ADGRV1: variants seen among roughly 807,000 people sequenced by gnomAD.
The protein encoded by ADGRV1 is adhesion G protein-coupled receptor V1.
Under a neutral mutation model 596.2 loss-of-function variants are expected in ADGRV1, and 359 were observed. The ratio of observed to expected loss-of-function variants is 0.60; its 90% CI spans 0.55 to 0.66. The LOEUF is 0.66. ADGRV1 is among the 30% of genes least tolerant of loss of function. The probability of loss-of-function intolerance (pLI) is 0.00; values close to 1 mark genes in which losing one functional copy is unlikely to be tolerated. For missense variants in ADGRV1, 7,274 were observed against 7,575.6 expected, an observed-to-expected ratio of 0.96 and a Z score of 1.48; for synonymous variants, 2,681 against 2,679.2, an observed-to-expected ratio of 1.00 and a Z score of -0.02.
chr5:91,017,228 C>T (rs4916840), intron 85 of ADGRV1, among the ~76,000 whole-genome samples: 107,090 of 151,812 alleles, frequency 0.71, 38,164 homozygotes, highest in African/African-American at 0.82. Flanking sequence ...ATTGACCAGC[C>T]GCCAAACCAC....
At position 90,823,458 on chromosome 5, in the gene ADGRV1, C is replaced by G. The variant is rs773382495; in HGVS notation, c.16230C>G (p.Val5410=). 1 of 1,613,758 alleles carries G rather than the reference C, an allele frequency of 6.2e-7. No individual in the cohort carries two copies. Among genetic ancestry groups the G allele is most frequent in the Non-Finnish European group, 8.5e-7 (1 of 1,179,818 alleles). Residue 5410 remains valine, a synonymous_variant, in exon 76 of 90, where the codon GTC becomes GTG. Transcript: ENST00000405460. ...AFEDVKVFWR[V]TLNKTVVVLQ... is the part of the protein sequence containing the mutation. ...AAGATGTCAAGGTCTTTTGGCGAGT[C>G]ACACTTAACAAAACAGTCGTCGTGC...
chr5:90,727,437 A>G (rs1055411423), intron 48 of ADGRV1, among the ~76,000 whole-genome samples: 7 of 152,060 alleles, frequency 4.6e-5, no homozygotes, highest in African/African-American at 1.7e-4. Flanking sequence ...CTTCCACACC[A>G]TTATAGTGTC....
At chr5:90,970,089 G>C (rs916633382) in intron 84 of ADGRV1, among the ~76,000 whole-genome samples, 1 of 152,238 alleles carries the variant, frequency 6.6e-6, no homozygotes, top group Non-Finnish European at 1.5e-5. Context: ...CCCGTGCCTG[G>C]CTCGGAGGGT....
Position 90,629,401 on chromosome 5 carries a change from C to T in ADGRV1, c.1701C>T (p.Pro567=). ...ACATTCCTGCTGGAGCTGTGGACCCCTTGCAAGCAAAAGAAGGCATCTTAA... is the reference window on the plus strand; with the variant it reads ...ACATTCCTGCTGGAGCTGTGGACCCTTTGCAAGCAAAAGAAGGCATCTTAA... ...VLYIPAGAVD[P]LQAKEGILNI... is the part of the protein sequence containing the mutation. Residue 567 remains proline, a synonymous_variant, in exon 9 of 90, where the codon CCC becomes CCT. Coordinates refer to ENST00000405460, the MANE Select transcript of ADGRV1 (RefSeq NM_032119.4). The T allele has an allele frequency of 6.2e-7, 1 of 1,613,562 alleles. No individual in the cohort carries two copies. The highest frequency in any genetic ancestry group is 2.2e-5 in the East Asian group (1 of 44,814).
At position 90,802,872 on chromosome 5, in the gene ADGRV1, C is replaced by A; in HGVS notation, c.14651C>A (p.Ala4884Asp). The A allele has an allele frequency of 6.2e-7, 1 of 1,605,166 alleles. No individual in the cohort carries two copies. Among genetic ancestry groups the A allele is most frequent in the Non-Finnish European group, 8.5e-7 (1 of 1,175,616 alleles). ...GTCCTTCCAGTCTCTGAGAAAGCTG[C>A]CAATTCTCAGGTAATTGGCCCTGTG... ...SAVLPVSEKA[A>D]NSQVGFESTA... The change falls in exon 71 of 90, where the codon GCC becomes GAC. Residue 4884 changes from alanine (A) to aspartate (D), a missense_variant. Physicochemically the swap from Ala to Asp is moderately radical, Grantham distance 126. Around this residue, in one of 5 missense-constraint regions of ADGRV1, gnomAD observed 1,874 missense variants for 1,970.2 expected, o/e 0.95. Coordinates refer to ENST00000405460, the MANE Select transcript of ADGRV1 (RefSeq NM_032119.4).
intron 87 of ADGRV1, among the ~76,000 whole-genome samples, chr5:91,125,133 C>T (rs1002834550): frequency 2.0e-5 from 3 of 152,174 alleles, no homozygotes; most frequent in Non-Finnish European, 4.4e-5. Flanking sequence ...GGAAGTCACA[C>T]ACTGCCTTTC....
In ADGRV1 at chr5:90,863,619, T is replaced by A. The variant is rs56341926; in HGVS notation, c.17756-138T>A. 114 of 681,706 alleles carry A rather than the reference T, an allele frequency of 1.7e-4. 1 individual carries two copies. The highest frequency in any genetic ancestry group is 2.8e-4 in the Non-Finnish European group (102 of 368,182). The allele number at this position is 681,706 out of a possible 1,614,324, so 42.2% of individuals were successfully genotyped here. On this transcript the variant is annotated intron_variant, in intron 82 of 89. Coordinates refer to ENST00000405460, the MANE Select transcript of ADGRV1 (RefSeq NM_032119.4). The stretch of plus-strand genomic sequence containing the variant: ...AAAATGGAGTAGATTACAATTGCCA[T>A]GTCATCTTTTCCAGAGGTACTGGGC...
rs1328080908 is a variant in ADGRV1 at position 90,729,892 on chromosome 5, G to T, written c.10549+128G>T. On this transcript the variant is annotated intron_variant, in intron 50 of 89. Transcript: ENST00000405460. ...GGTATTTTTTTTTTTTTGGAGATGGGGTCTAGCTGTGTTGCCCAGGCTGGA... is the reference window on the plus strand; with the variant it reads ...GGTATTTTTTTTTTTTTGGAGATGGTGTCTAGCTGTGTTGCCCAGGCTGGA... 10 of 879,928 alleles carry T rather than the reference G, an allele frequency of 1.1e-5. No individual in the cohort carries two copies. The East Asian group carries it at 2.8e-4, about 25-fold the overall frequency. 54.5% of individuals were successfully genotyped at this position (879,928 alleles called of 1,614,324 possible). A position where few individuals can be genotyped will look rare whatever the true frequency, so the allele number is the denominator to read the frequency against.
intron 34 of ADGRV1, among the ~76,000 whole-genome samples, chr5:90,699,168 G>A (rs1350366392): frequency 6.6e-6 from 1 of 152,100 alleles, no homozygotes; most frequent in East Asian, 1.9e-4. Context: ...CAGTATCTAT[G>A]GGCTGGTATT....
chr5:90,595,914 G>T (rs1760442101), intron 1 of ADGRV1, among the ~76,000 whole-genome samples: 2 of 131,104 alleles, frequency 1.5e-5, no homozygotes, highest in Non-Finnish European at 1.8e-5. Flanking sequence ...CCTCCCGGAT[G>T]GGGTGGCTGC....
intron 88 of ADGRV1, among the ~76,000 whole-genome samples, chr5:91,151,161 A>G (rs1227431166): frequency 6.6e-6 from 1 of 152,242 alleles, no homozygotes; most frequent in Non-Finnish European, 1.5e-5. Flanking sequence ...ATTGGTAGAT[A>G]GATAAATCAA....
chr5:90,914,074 C>T (rs745520067), intron 83 of ADGRV1, among the ~76,000 whole-genome samples: 1 of 152,104 alleles, frequency 6.6e-6, no homozygotes, highest in Non-Finnish European at 1.5e-5. Context: ...CTGAATAATA[C>T]AGTTTGAATA....
chr5:90,639,258 G>A (rs150654857), intron 11 of ADGRV1, among the ~76,000 whole-genome samples: 2 of 152,116 alleles, frequency 1.3e-5, no homozygotes, highest in African/African-American at 4.8e-5. Flanking sequence ...TTTTCCTTAA[G>A]TAAGGTGTAA....
Position 90,848,711 on chromosome 5 carries a change from T to C in ADGRV1, c.17094T>C (p.Leu5698=), listed in dbSNP as rs1766164617. 1.3e-6 allele frequency: 2 copies of C among 1,590,102 alleles called. No individual in the cohort carries two copies. Among genetic ancestry groups the C allele is most frequent in the Non-Finnish European group, 1.7e-6 (2 of 1,170,772 alleles). ...RTLFYEILCS[L]INPKRKDTRG... Reference sequence around the variant, plus strand: ...TTTTCTATGAGATTCTTTGTTCTCTTATTAACCCAAAGCGCAAGGACACTA... The same window carrying C: ...TTTTCTATGAGATTCTTTGTTCTCTCATTAACCCAAAGCGCAAGGACACTA... Residue 5698 remains leucine, a synonymous_variant, in exon 79 of 90, where the codon CTT becomes CTC. Coordinates refer to ENST00000405460, the MANE Select transcript of ADGRV1 (RefSeq NM_032119.4).
chr5:90,923,855 C>T (rs1270118165), intron 83 of ADGRV1, among the ~76,000 whole-genome samples: 1 of 150,978 alleles, frequency 6.6e-6, no homozygotes, highest in East Asian at 1.9e-4. Flanking sequence ...TGTTCAGTTC[C>T]CAGCTATGAG....
At chr5:90,564,553 A>T (rs1431513509) in intron 1 of ADGRV1, among the ~76,000 whole-genome samples, 1 of 152,092 alleles carries the variant, frequency 6.6e-6, no homozygotes, top group Non-Finnish European at 1.5e-5. Flanking sequence ...TTTTAAATTG[A>T]TAGATAATTC....
At chr5:90,623,059 C>T (rs1013831026) in intron 5 of ADGRV1, among the ~76,000 whole-genome samples, 5 of 152,114 alleles carry the variant, frequency 3.3e-5, no homozygotes, top group Admixed American at 2.0e-4. Context: ...ACTTTAAATG[C>T]GAACACTGGG....
intron 1 of ADGRV1, among the ~76,000 whole-genome samples, chr5:90,603,920 A>G (rs1176067735): frequency 7.1e-6 from 1 of 140,840 alleles, no homozygotes; most frequent in Non-Finnish European, 1.5e-5. Flanking sequence ...AGGCACGTAC[A>G]CACACATGCA....
At chr5:91,157,812 T>G (rs1796595888) in intron 89 of ADGRV1, among the ~76,000 whole-genome samples, 1 of 152,194 alleles carries the variant, frequency 6.6e-6, no homozygotes, top group Non-Finnish European at 1.5e-5. Context: ...GGGAATGTAT[T>G]CCCTTAAAGC....
Sources: gnomAD v4.1 joint callset for allele counts (sites outside exome capture counted in the v4.1 genomes callset) on GRCh38, gnomAD v4.1.1 for gene constraint, gnomAD v4.1.1 regional missense constraint, MANE v1.5 for transcripts, NCBI Gene and HGNC (gene_info 2026-07-23, HGNC 2026-07-21) for gene names.